ZNF16: variants seen among roughly 807,000 people sequenced by gnomAD.
ZNF16 encodes the protein zinc finger protein 16, also known as zinc finger protein KOX9.
A neutral mutation model predicts 9.0 loss-of-function variants in ZNF16; 7 were observed. The ratio of observed to expected loss-of-function variants is 0.78; its 90% CI spans 0.44 to 1.47. The LOEUF is 1.47. Among genes scored for constraint, ZNF16 ranks in the 40% most tolerant of loss-of-function variants. The probability of loss-of-function intolerance (pLI) is 0.01; values close to 1 mark genes in which losing one functional copy is unlikely to be tolerated. For missense variants in ZNF16, 830 were observed against 854.2 expected, an observed-to-expected ratio of 0.97 and a Z score of 0.35; for synonymous variants, 312 against 301.5, an observed-to-expected ratio of 1.03 and a Z score of -0.36.
chr8:144,931,408 G>A lies in ZNF16; in HGVS notation c.1379C>T (p.Pro460Leu), dbSNP rs764655580. Residue 460 changes from proline to leucine, a missense_variant, in exon 3 of 3, where the codon CCT (proline) becomes CTT (leucine). Physicochemically the swap from Pro to Leu is moderately conservative, Grantham distance 98 (BLOSUM62 -3). Transcript: ENST00000394909. ...TTTTCCACATACATTACACACGTGA[G>A]GCTTTTCTCCAGTGTGAATTCTCCG... ...QHRRIHTGEK[P>L]HVCNVCGKAF... The A allele has an allele frequency of 6.2e-7, 1 of 1,614,216 alleles. No individual in the cohort carries two copies. Among genetic ancestry groups the A allele is most frequent in the South Asian group, 1.1e-5 (1 of 91,090 alleles).
rs1833611288 is a variant in ZNF16, at chr8:144,933,712, T to C, written c.197-1122A>G. 6.6e-6 allele frequency among the ~76,000 whole-genome samples: 1 copy of C among 152,126 alleles called. No homozygotes were observed. ...GGCCCTCCTAGACCCCACCTCTACCTCTGCTCCTGCTATACTCTGAGCAGG... is the reference window on the plus strand; with the variant it reads ...GGCCCTCCTAGACCCCACCTCTACCCCTGCTCCTGCTATACTCTGAGCAGG... On this transcript the variant is annotated intron_variant, in intron 2 of 2. Transcript: ENST00000394909. The surrounding 1 kb of genome is among the most constrained non-coding windows in gnomAD (Gnocchi z 5.6).
rs1270264532 is a variant in ZNF16, at chr8:144,932,719, C to A, written c.197-129G>T. On this transcript the variant is annotated intron_variant, in intron 2 of 2. Coordinates refer to ENST00000394909, the MANE Select transcript of ZNF16 (RefSeq NM_006958.3). This position sits in a 1 kb window ranked among gnomAD's most constrained non-coding sequence, Gnocchi z 5.0. ...GCAGGGGATCCTCTGGGGTGGCAGT[C>A]CAGATCAGAGGGCATCAGGGAGGGG... 1 of 951,554 alleles carries A rather than the reference C, an allele frequency of 1.1e-6. No individual in the cohort carries two copies. The highest frequency in any genetic ancestry group is 1.6e-6 in the Non-Finnish European group (1 of 641,708). The allele number at this position is 951,554 out of a possible 1,614,324, so 58.9% of individuals were successfully genotyped here.
At chr8:144,942,740 C>T (rs1344852632) in intron 2 of ZNF16, among the ~76,000 whole-genome samples, 1 of 152,206 alleles carries the variant, frequency 6.6e-6, no homozygotes, top group Middle Eastern at 3.2e-3. Flanking sequence ...TCACAGATTA[C>T]ACCTTTATAC....
chr8:144,948,211 A>C (rs1006164821), intron 1 of ZNF16: 2 of 152,234 alleles, frequency 1.3e-5, no homozygotes, highest in Non-Finnish European at 2.9e-5. Flanking sequence ...CTATGGACCA[A>C]TGATAAGGGG....
chr8:144,934,779 T>C (rs1833641291), intron 2 of ZNF16, among the ~76,000 whole-genome samples: 1 of 152,188 alleles, frequency 6.6e-6, no homozygotes, highest in African/African-American at 2.4e-5. Flanking sequence ...GGTACTTCTG[T>C]GAAGGGTCAG....
chr8:144,945,644 C>A (rs1035674603), intron 2 of ZNF16: 2 of 172,552 alleles, frequency 1.2e-5, no homozygotes, highest in Non-Finnish European at 2.4e-5. Flanking sequence ...CTTTAGATGG[C>A]CAACTGTATG....
rs562683215 is a variant in ZNF16 at position 144,932,740 on chromosome 8, A to AG, written c.197-151dup. 452 of 690,650 alleles carry AG rather than the reference A, an allele frequency of 6.5e-4. 3 individuals carry two copies. In the African/African-American group the frequency reaches 7.5e-3, roughly 12 times the overall value. The allele number at this position is 690,650 out of a possible 1,614,324, so 42.8% of individuals were successfully genotyped here. On this transcript the variant is annotated intron_variant, in intron 2 of 2. Transcript: ENST00000394909. This position sits in a 1 kb window ranked among gnomAD's most constrained non-coding sequence, Gnocchi z 5.0. ...CAGTCCAGATCAGAGGGCATCAGGG[A>AG]GGGGTGGGAGGAGCACTGGGTGATT...
rs1833500608 is a variant in ZNF16 at position 144,930,680 on chromosome 8, G to A, written c.*58C>T. 2 of 1,505,842 alleles carry A rather than the reference G, an allele frequency of 1.3e-6. No individual in the cohort carries two copies. Among genetic ancestry groups the A allele is most frequent in the Non-Finnish European group, 8.9e-7 (1 of 1,128,584 alleles). The allele number at this position is 1,505,842 out of a possible 1,614,324, so 93.3% of individuals were successfully genotyped here. ...GGAAGTGGCAGAGGCTGAGACAATG[G>A]CCAAAGAGGAGTTGGAGAGGAAACT... On this transcript the variant is annotated 3_prime_UTR_variant, in exon 3 of 3. Transcript: ENST00000394909.
At chr8:144,949,066 C>T (rs575830210) in intron 1 of ZNF16, among the ~76,000 whole-genome samples, 1 of 152,370 alleles carries the variant, frequency 6.6e-6, no homozygotes, top group South Asian at 2.1e-4. Context: ...CAGATTCGGC[C>T]AACAGCCTGA....
rs1833603756 is a variant in ZNF16, at chr8:144,933,389, A to G, written c.197-799T>C. Among the ~76,000 whole-genome samples the G allele has an allele frequency of 6.6e-6, 1 of 152,146 alleles. No homozygotes were observed. The highest frequency in any genetic ancestry group is 1.5e-5 in the Non-Finnish European group (1 of 68,010). The stretch of plus-strand genomic sequence containing the variant: ...TTTGCGGATGACTTCTGGCCTCGTA[A>G]CAATGTGCGTCATCTTTCCGCAGAC... On this transcript the variant is annotated intron_variant, in intron 2 of 2. Transcript: ENST00000394909. The surrounding 1 kb of genome is among the most constrained non-coding windows in gnomAD (Gnocchi z 5.6).
In ZNF16 at chr8:144,931,597, C is replaced by T. The variant is rs1347917019; in HGVS notation, c.1190G>A (p.Arg397Lys). Residue 397 changes from arginine to lysine, a missense_variant, in exon 3 of 3, where the codon AGG becomes AAG. Transcript: ENST00000394909. Reference sequence around the variant, plus strand: ...ATAAGGCTTCTCTCCAGTGTGGACCCTCTGGTGCTTCCTCAGGTGTGCACT... The same window carrying T: ...ATAAGGCTTCTCTCCAGTGTGGACCTTCTGGTGCTTCCTCAGGTGTGCACT... Reference protein sequence around the residue: ...SQSAHLRKHQRVHTGEKPYEC... With the variant: ...SQSAHLRKHQKVHTGEKPYEC... 1.9e-6 allele frequency: 3 copies of T among 1,613,974 alleles called. No individual in the cohort carries two copies. Among genetic ancestry groups the T allele is most frequent in the Admixed American group, 3.3e-5 (2 of 60,004 alleles).
chr8:144,950,114 C>CAT (rs564632780), intron 1 of ZNF16, among the ~76,000 whole-genome samples: 4,136 of 151,996 alleles, frequency 0.027, 75 homozygotes, highest in Middle Eastern at 0.071. Flanking sequence ...TGGAGAGAAA[C>CAT]AAATCTGGCC....
chr8:144,948,166 C>G (rs1374091225), intron 1 of ZNF16: 1 of 152,200 alleles, frequency 6.6e-6, no homozygotes, highest in Non-Finnish European at 1.5e-5. Context: ...AAGGAGAAGG[C>G]AAGGAGATAT....
intron 1 of ZNF16, among the ~76,000 whole-genome samples, chr8:144,949,126 G>A (rs1214102202): frequency 6.6e-6 from 1 of 152,242 alleles, no homozygotes; most frequent in Non-Finnish European, 1.5e-5. Flanking sequence ...CTGCTCTTTA[G>A]GAGTCACACA....
Position 144,931,853 on chromosome 8 carries a change from G to A in ZNF16, c.934C>T (p.Gln312Ter). The change falls in exon 3 of 3, where the codon CAA (glutamine) becomes TAA (stop). Residue 312 changes from glutamine (Q) to a stop codon, truncating the protein, a stop_gained. Coordinates refer to ENST00000394909, the MANE Select transcript of ZNF16 (RefSeq NM_006958.3). LOFTEE classifies it low-confidence loss of function (END_TRUNC). ...FSQNSSLKKH[Q>*]KSHMSEKPYE... is the part of the protein sequence containing the mutation. Reference sequence around the variant, plus strand: ...GGCTTCTCACTCATGTGAGACTTTTGGTGCTTTTTAAGGCTCGAGTTCTGG... The same window carrying A: ...GGCTTCTCACTCATGTGAGACTTTTAGTGCTTTTTAAGGCTCGAGTTCTGG... 1 of 1,614,116 alleles carries A rather than the reference G, an allele frequency of 6.2e-7. No individual in the cohort carries two copies. Among genetic ancestry groups the A allele is most frequent in the Non-Finnish European group, 8.5e-7 (1 of 1,180,032 alleles).
In ZNF16 at chr8:144,940,036, T is replaced by C. The variant is rs1264449166; in HGVS notation, c.196+5975A>G. On this transcript the variant is annotated intron_variant, in intron 2 of 2. Transcript: ENST00000394909. ...TTGGATTTTATTTGCTCTTCTTTTA[T>C]AGTCCTTTAAAAGATTTATACTTTT... is the stretch of plus-strand genomic sequence containing the variant. Among the ~76,000 whole-genome samples, 3 of 152,354 alleles carry C rather than the reference T, an allele frequency of 2.0e-5. No individual in the cohort carries two copies. The East Asian group carries it at 5.8e-4, about 29-fold the overall frequency.
At position 144,931,212 on chromosome 8, in the gene ZNF16, G is replaced by A. The variant is rs771912377; in HGVS notation, c.1575C>T (p.Thr525=). 4 of 1,614,034 alleles carry A rather than the reference G, an allele frequency of 2.5e-6. No homozygotes were observed. In the Admixed American group the frequency reaches 5.0e-5, roughly 20 times the overall value. The part of the protein sequence containing the change: ...KPYACHECGK[T]FGRSSNLILH... ...GGATGAGGTTGGAGCTGCGACCAAA[G>A]GTCTTCCCACACTCGTGGCAGGCGT... Residue 525 remains threonine, a synonymous_variant, in exon 3 of 3, where the codon ACC becomes ACT. Transcript: ENST00000394909.
chr8:144,944,917 C>T (rs1833891646), intron 2 of ZNF16: 2 of 152,208 alleles, frequency 1.3e-5, no homozygotes, highest in Non-Finnish European at 1.5e-5. Context: ...ACACAAAACA[C>T]TTCTCCCAGT....
At chr8:144,945,512 A>C (rs1463958250) in intron 2 of ZNF16, 1 of 152,540 alleles carries the variant, frequency 6.6e-6, no homozygotes, top group Non-Finnish European at 1.5e-5. Context: ...GCCTCATACA[A>C]TCCTCCTGCC....
Sources: gnomAD v4.1 joint callset for allele counts (sites outside exome capture counted in the v4.1 genomes callset) on GRCh38, gnomAD v4.1.1 for gene constraint, Gnocchi (gnomAD v3.1) non-coding constraint, MANE v1.5 for transcripts, NCBI Gene and HGNC (gene_info 2026-07-23, HGNC 2026-07-21) for gene names.